The following PROS1 variants were observed in gnomAD, a reference collection of about 807,000 sequenced individuals.
The protein encoded by PROS1 is vitamin K-dependent protein S.
In PROS1, 29 loss-of-function variants were observed where a neutral mutation model predicts 75.9. The ratio of observed to expected loss-of-function variants is 0.38; its 90% CI spans 0.28 to 0.52. The LOEUF is 0.52. PROS1 is among the 20% of genes least tolerant of loss of function. PROS1 has a pLI of 0.83. For synonymous variants in PROS1, 245 were observed against 280.6 expected (o/e 0.87, Z 1.27); for missense variants, 680 against 810.3 (o/e 0.84, Z 1.95).
At chr3:93,895,175 A>G (rs893910097) in intron 9 of PROS1, among the ~76,000 whole-genome samples, 5 of 152,156 alleles carry the variant, frequency 3.3e-5, no homozygotes, top group African/African-American at 9.7e-5. Context: ...TCTCATTTGT[A>G]TTATTTTGTA....
At chr3:93,878,162 C>T (rs1317551814) in intron 13 of PROS1, among the ~76,000 whole-genome samples, 2 of 152,132 alleles carry the variant, frequency 1.3e-5, no homozygotes, top group African/African-American at 4.8e-5. Context: ...TAACCTCCTC[C>T]ACTGCATGAA....
intron 3 of PROS1, among the ~76,000 whole-genome samples, chr3:93,921,484 A>C (rs2107193281): frequency 6.6e-6 from 1 of 152,308 alleles, no homozygotes; most frequent in Middle Eastern, 3.4e-3. Context: ...GGAAGAGTTC[A>C]TTTGTAAAAC....
At chr3:93,907,886 G>T (rs1437411759) in intron 4 of PROS1, among the ~76,000 whole-genome samples, 1 of 152,198 alleles carries the variant, frequency 6.6e-6, no homozygotes, top group Non-Finnish European at 1.5e-5. Flanking sequence ...AAGAGGCTAG[G>T]TGTGATGGCT....
intron 2 of PROS1, among the ~76,000 whole-genome samples, chr3:93,925,547 G>A (rs1559940540): frequency 6.6e-6 from 1 of 152,038 alleles, no homozygotes; most frequent in Non-Finnish European, 1.5e-5. Context: ...TGTTTGGTGG[G>A]GGTGGGGCAG....
chr3:93,945,523 C>G (rs1196541834), intron 1 of PROS1, among the ~76,000 whole-genome samples: 1 of 152,086 alleles, frequency 6.6e-6, no homozygotes, highest in Non-Finnish European at 1.5e-5. Flanking sequence ...ATCAATAAAT[C>G]TAATCCATCA....
Position 93,893,058 on chromosome 3 carries a change from T to C in PROS1, c.1030A>G (p.Ile344Val), listed in dbSNP as rs773309134. 1.3e-5 allele frequency: 21 copies of C among 1,613,966 alleles called. No individual in the cohort carries two copies. The highest frequency in any genetic ancestry group is 1.6e-5 in the Non-Finnish European group (19 of 1,179,978). Residue 344 changes from isoleucine to valine, a missense_variant, in exon 10 of 15, where the codon ATC becomes GTC. By Grantham distance (29) the Ile-to-Val change is conservative (BLOSUM62 3). Coordinates refer to ENST00000394236, the MANE Select transcript of PROS1 (RefSeq NM_000313.4). ...SEGVILYAESIDHSAWLLIAL... is the reference protein window; with the variant it reads ...SEGVILYAESVDHSAWLLIAL... ...ATCAGGAGCCACGCTGAGTGATCGA[T>C]AGATTCTGCGTACAGTATCACGCCT...
intron 12 of PROS1, among the ~76,000 whole-genome samples, chr3:93,883,810 C>A (rs893255504): frequency 6.6e-6 from 1 of 151,756 alleles, no homozygotes; most frequent in Admixed American, 6.6e-5. Context: ...ATTAGCCGGG[C>A]GTGGTGGCGG....
chr3:93,935,584 C>T (rs1709170596), intron 1 of PROS1, among the ~76,000 whole-genome samples: 1 of 152,026 alleles, frequency 6.6e-6, no homozygotes, highest in South Asian at 2.1e-4. Context: ...TTGCAATAGC[C>T]CCTAGATCCC....
intron 1 of PROS1, among the ~76,000 whole-genome samples, chr3:93,939,698 A>T (rs1192654269): frequency 6.6e-6 from 1 of 152,020 alleles, no homozygotes; most frequent in Non-Finnish European, 1.5e-5. Flanking sequence ...TTTTCATCAA[A>T]TGTAAAAATC....
At chr3:93,917,677 C>T (rs925741446) in intron 3 of PROS1, among the ~76,000 whole-genome samples, 7 of 152,122 alleles carry the variant, frequency 4.6e-5, no homozygotes, top group South Asian at 4.1e-4. Context: ...GGCCGGCACT[C>T]GGAGCAGCCG....
intron 3 of PROS1, among the ~76,000 whole-genome samples, chr3:93,919,563 A>T (rs1202751651): frequency 2.0e-5 from 3 of 152,050 alleles, no homozygotes; most frequent in Non-Finnish European, 4.4e-5. Flanking sequence ...TTTGTCTCTT[A>T]ATCTTACTAT....
At position 93,973,796 on chromosome 3, in the gene PROS1, G is replaced by T; in HGVS notation, c.-47C>A. ...GGCAGGGACGGTGGCGCGTCGCGGC[G>T]GGGACCGGAGCGCTAGGCGCCGCGG... On this transcript the variant is annotated 5_prime_UTR_variant, in exon 1 of 15. Transcript: ENST00000394236. 6.5e-7 allele frequency: 1 copy of T among 1,536,036 alleles called. No homozygotes were observed. The highest frequency in any genetic ancestry group is 8.9e-7 in the Non-Finnish European group (1 of 1,125,366).
chr3:93,964,852 C>T (rs1377320913), intron 1 of PROS1, among the ~76,000 whole-genome samples: 1 of 152,158 alleles, frequency 6.6e-6, no homozygotes, highest in Non-Finnish European at 1.5e-5. Context: ...CTCTTTATTT[C>T]TCAGCCAGCC....
At chr3:93,964,267 A>G (rs1393015950) in intron 1 of PROS1, among the ~76,000 whole-genome samples, 1 of 152,210 alleles carries the variant, frequency 6.6e-6, no homozygotes. Flanking sequence ...TTGGGCAAAA[A>G]CAGCCATATT....
intron 1 of PROS1, 117 bp from the exon 2 acceptor site, chr3:93,927,524 T>G (rs1709037794): frequency 8.3e-7 from 1 of 1,201,006 alleles, no homozygotes. Flanking sequence ...ACATTTAAAA[T>G]CAGTATGATC....
At chr3:93,920,783 T>C (rs182746713) in intron 3 of PROS1, among the ~76,000 whole-genome samples, 1 of 152,300 alleles carries the variant, frequency 6.6e-6, no homozygotes, top group East Asian at 1.9e-4. Flanking sequence ...CTTTTCTCTC[T>C]CTTTCTCTTT....
At chr3:93,966,866 C>T (rs1341093992) in intron 1 of PROS1, among the ~76,000 whole-genome samples, 2 of 151,376 alleles carry the variant, frequency 1.3e-5, no homozygotes, top group Admixed American at 1.3e-4. Flanking sequence ...CTGAATCTTA[C>T]CATGTTGGGA....
intron 1 of PROS1, among the ~76,000 whole-genome samples, chr3:93,954,904 A>C (rs1207317481): frequency 6.6e-6 from 1 of 152,354 alleles, no homozygotes; most frequent in African/African-American, 2.4e-5. Context: ...ACCCCATCAA[A>C]AAGTGGGCAA....
At chr3:93,899,787 G>C (rs1162452250) in intron 7 of PROS1, among the ~76,000 whole-genome samples, 3 of 152,144 alleles carry the variant, frequency 2.0e-5, no homozygotes, top group Non-Finnish European at 2.9e-5. Context: ...ACTAATAAAA[G>C]AAAACTCACT....
Sources: allele counts gnomAD v4.1 joint callset (sites outside exome capture counted in the v4.1 genomes callset), GRCh38; gene constraint gnomAD v4.1.1; transcripts MANE v1.5; gene names NCBI Gene and HGNC (gene_info 2026-07-23, HGNC 2026-07-21).